Variants in ASPHD2 observed in about 807,000 individuals in gnomAD.
The protein encoded by ASPHD2 is aspartate beta-hydroxylase domain-containing protein 2.
A neutral mutation model predicts 34.6 loss-of-function variants in ASPHD2; 12 were observed. That is an observed-to-expected ratio of 0.35 (90% CI 0.22 to 0.56). ASPHD2 has a LOEUF of 0.56. Among genes scored for constraint, ASPHD2 ranks in the 20% least tolerant of loss-of-function variants. ASPHD2 has a pLI of 0.87. For missense variants in ASPHD2, 375 were observed against 505.0 expected (o/e 0.74, Z 2.47); for synonymous variants, 224 against 212.2 (o/e 1.06, Z -0.48).
intron 2 of ASPHD2, among the ~76,000 whole-genome samples, chr22:26,437,901 C>T (rs1425953949): frequency 6.6e-6 from 1 of 152,108 alleles, no homozygotes; most frequent in South Asian, 2.1e-4. Flanking sequence ...TGTGTGGGAC[C>T]TGTCACTGTC....
chr22:26,438,043 G>T (rs1292867137), intron 2 of ASPHD2, among the ~76,000 whole-genome samples: 1 of 152,144 alleles, frequency 6.6e-6, no homozygotes, highest in Non-Finnish European at 1.5e-5. Context: ...GAAGCAGGGG[G>T]GTGTCAAGCC....
At chr22:26,440,858 A>C (rs1311927128) in intron 2 of ASPHD2, among the ~76,000 whole-genome samples, 1 of 152,210 alleles carries the variant, frequency 6.6e-6, no homozygotes, top group East Asian at 1.9e-4. Flanking sequence ...ACTACAGTAA[A>C]CACAGTTACT....
chr22:26,438,718 TTAAG>T (rs2084817739), intron 2 of ASPHD2, among the ~76,000 whole-genome samples: 1 of 150,970 alleles, frequency 6.6e-6, no homozygotes, highest in African/African-American at 2.4e-5. Context: ...GGGGAGTTTA[TTAAG>T]TATTAACCCA....
chr22:26,433,612 C>G lies in ASPHD2; in HGVS notation c.-4C>G, dbSNP rs559088145. The G allele has an allele frequency of 6.2e-7, 1 of 1,611,800 alleles. No individual in the cohort carries two copies. The highest frequency in any genetic ancestry group is 1.3e-5 in the African/African-American group (1 of 74,908). On this transcript the variant is annotated 5_prime_UTR_variant, in exon 2 of 4. In the 5' UTR this introduces an upstream ATG that the reference lacks. Coordinates refer to ENST00000215906, the MANE Select transcript of ASPHD2 (RefSeq NM_020437.5). This position sits in a 1 kb window ranked among gnomAD's most constrained non-coding sequence, Gnocchi z 5.1. The stretch of plus-strand genomic sequence containing the variant: ...GCCGCTCCTTCCCCCCCACGCTAAT[C>G]TGCATGGTGTGGGCGCCCTTGGGAC...
intron 2 of ASPHD2, among the ~76,000 whole-genome samples, chr22:26,438,652 C>CATATATATAT (rs143431842): frequency 1.6e-5 from 2 of 122,568 alleles, no homozygotes; most frequent in African/African-American, 6.3e-5. Flanking sequence ...TATACACATA[C>CATATATATAT]ATATATATAT....
Position 26,433,431 on chromosome 22 carries a change from G to T in ASPHD2, c.-185G>T. On this transcript the variant is annotated 5_prime_UTR_variant, in exon 2 of 4. Transcript: ENST00000215906. The surrounding 1 kb of genome is among the most constrained non-coding windows in gnomAD (Gnocchi z 5.1). ...AACAAATCCTTTCACAGGGACCGAC[G>T]GCACTTGATAATGTGACAAAAACCA... 1 of 564,810 alleles carries T rather than the reference G, an allele frequency of 1.8e-6. No individual in the cohort carries two copies. Among genetic ancestry groups the T allele is most frequent in the Non-Finnish European group, 3.1e-6 (1 of 322,384 alleles). The allele number at this position is 564,810 out of a possible 1,614,324, so 35.0% of individuals were successfully genotyped here. A position where few individuals can be genotyped will look rare whatever the true frequency, so the allele number is the denominator to read the frequency against.
chr22:26,436,485 G>T (rs2084793035), intron 2 of ASPHD2, among the ~76,000 whole-genome samples: 1 of 152,196 alleles, frequency 6.6e-6, no homozygotes, highest in African/African-American at 2.4e-5. Context: ...TGCCGCCAGG[G>T]TGGAGCGAGG....
At position 26,444,756 on chromosome 22, in the gene ASPHD2, C is replaced by T. The variant is rs577958463; in HGVS notation, c.*1550C>T. On this transcript the variant is annotated 3_prime_UTR_variant, in exon 4 of 4. Coordinates refer to ENST00000215906, the MANE Select transcript of ASPHD2 (RefSeq NM_020437.5). ...GGTACTAGCAAGTGTGCAAAGAGCA[C>T]GTCTACATTTGAGTAAAATGTCTAC... The T allele has an allele frequency of 2.0e-5, 3 of 152,144 alleles. No homozygotes were observed. The highest frequency in any genetic ancestry group is 2.9e-5 in the Non-Finnish European group (2 of 68,018). 9.4% of individuals were successfully genotyped at this position (152,144 alleles called of 1,614,324 possible). A position where few individuals can be genotyped will look rare whatever the true frequency, so the allele number is the denominator to read the frequency against.
chr22:26,441,287 G>A (rs529259730), intron 2 of ASPHD2, among the ~76,000 whole-genome samples: 43 of 152,054 alleles, frequency 2.8e-4, no homozygotes, highest in African/African-American at 9.9e-4. Context: ...GACCAGCCCG[G>A]TCAACATAGC....
At chr22:26,442,858 G>A (rs148433196) in intron 3 of ASPHD2, among the ~76,000 whole-genome samples, 5 of 152,204 alleles carry the variant, frequency 3.3e-5, no homozygotes, top group Non-Finnish European at 7.4e-5. Context: ...TTTCACTGCC[G>A]TAAAAATTCC....
chr22:26,430,131 ATC>A (rs2084747720), intron 1 of ASPHD2, among the ~76,000 whole-genome samples: 1 of 152,224 alleles, frequency 6.6e-6, no homozygotes, highest in Non-Finnish European at 1.5e-5. Flanking sequence ...GCCCCACGGC[ATC>A]TCTCTGGCTC....
chr22:26,435,758 AAG>A (rs2084788648), intron 2 of ASPHD2, among the ~76,000 whole-genome samples: 1 of 123,204 alleles, frequency 8.1e-6, no homozygotes. Flanking sequence ...AAGAAAAGAA[AAG>A]AAAAATATAA....
In ASPHD2 at chr22:26,429,670, C is replaced by G. The variant is rs1046352333; in HGVS notation, c.-225+184C>G. 6.6e-6 allele frequency among the ~76,000 whole-genome samples: 1 copy of G among 151,970 alleles called. No homozygotes were observed. The highest frequency in any genetic ancestry group is 1.5e-5 in the Non-Finnish European group (1 of 67,934). ...CCGGGCGCCCGCATCCCGGCCCGGC[C>G]GAGGCCAGTGCTCGTACGTGCTAAG... is the stretch of plus-strand genomic sequence containing the variant. On this transcript the variant is annotated intron_variant, in intron 1 of 3. Transcript: ENST00000215906. This position sits in a 1 kb window ranked among gnomAD's most constrained non-coding sequence, Gnocchi z 4.5.
chr22:26,431,109 A>G (rs1266953389), intron 1 of ASPHD2, among the ~76,000 whole-genome samples: 1 of 152,256 alleles, frequency 6.6e-6, no homozygotes, highest in African/African-American at 2.4e-5. Context: ...TGACAGACTC[A>G]GTTGAAAAGT....
intron 2 of ASPHD2, among the ~76,000 whole-genome samples, chr22:26,441,478 T>TTAAAAAAAAAA (rs1555883502): frequency 1.0e-5 from 1 of 95,622 alleles, no homozygotes. Context: ...ACCTTGTATC[T>TTAAAAAAAAAA]AAAAAAAAAA....
chr22:26,432,585 C>G (rs1035178307), intron 1 of ASPHD2, among the ~76,000 whole-genome samples: 1 of 152,198 alleles, frequency 6.6e-6, no homozygotes, highest in Non-Finnish European at 1.5e-5. Flanking sequence ...GGGCTCTGTC[C>G]CTAACCCCCA....
At chr22:26,430,692 C>A (rs951683311) in intron 1 of ASPHD2, among the ~76,000 whole-genome samples, 2 of 152,204 alleles carry the variant, frequency 1.3e-5, no homozygotes, top group Admixed American at 6.5e-5. Context: ...TGTCATAGTT[C>A]AGCTTTGAGC....
rs750150580 is a variant in ASPHD2 at position 26,442,511 on chromosome 22, C to G, written c.939C>G (p.Cys313Trp). 6.2e-7 allele frequency: 1 copy of G among 1,611,718 alleles called. No individual in the cohort carries two copies. Among genetic ancestry groups the G allele is most frequent in the Admixed American group, 1.7e-5 (1 of 59,654 alleles). ...TGGTGGTGGGGGGAGAGCCCCAGTG[C>G]TGGGCAGAAGGGCGCTGCCTTCTCT... ...CELVVGGEPQCWAEGRCLLFD... is the reference protein window; with the variant it reads ...CELVVGGEPQWWAEGRCLLFD... The change falls in exon 3 of 4, where the codon TGC becomes TGG. Residue 313 changes from cysteine (C) to tryptophan (W), a missense_variant. Physicochemically the swap from Cys to Trp is radical, Grantham distance 215. Coordinates refer to ENST00000215906, the MANE Select transcript of ASPHD2 (RefSeq NM_020437.5).
intron 2 of ASPHD2, among the ~76,000 whole-genome samples, chr22:26,436,284 G>A (rs1236845480): frequency 6.6e-6 from 1 of 152,206 alleles, no homozygotes; most frequent in African/African-American, 2.4e-5. Context: ...TGAGGAGTGG[G>A]AAGTAATATG....
Sources: allele counts gnomAD v4.1 joint callset (sites outside exome capture counted in the v4.1 genomes callset), GRCh38; gene constraint gnomAD v4.1.1; non-coding constraint Gnocchi (gnomAD v3.1); transcripts MANE v1.5; gene names NCBI Gene and HGNC (gene_info 2026-07-23, HGNC 2026-07-21).